The following NPM1 variants were observed in gnomAD, a reference collection of about 807,000 sequenced individuals.
The protein encoded by NPM1 is nucleophosmin.
NPM1 carries 1 observed loss-of-function variant against 44.1 expected under a neutral mutation model. That is an observed-to-expected ratio of 0.02 (90% CI 0.01 to 0.11). The LOEUF is 0.11. Ranked by LOEUF, NPM1 falls within the 10% of genes least tolerant of loss-of-function variation. The probability of loss-of-function intolerance (pLI) is 1.00; values close to 1 mark genes in which losing one functional copy is unlikely to be tolerated. For synonymous variants in NPM1, 126 were observed against 111.8 expected (o/e 1.13, Z -0.80); for missense variants, 197 against 347.8 (o/e 0.57, Z 3.45).
intron 8 of NPM1, among the ~76,000 whole-genome samples, chr5:171,402,672 G>C (rs896979677): frequency 2.8e-5 from 4 of 141,610 alleles, no homozygotes; most frequent in Non-Finnish European, 6.1e-5. Flanking sequence ...TGTTGGAAGA[G>C]GGGCCTGGTG....
chr5:171,400,372 T>A (rs1226397428), intron 7 of NPM1, among the ~76,000 whole-genome samples, 162 bp downstream of exon 7: 1 of 151,766 alleles, frequency 6.6e-6, no homozygotes, highest in Non-Finnish European at 1.5e-5. Context: ...GAGTGGGGAA[T>A]GGTCTGTTTT....
rs1251825672 is a variant in NPM1 at position 171,405,283 on chromosome 5, A to C, written c.670-19A>C. On this transcript the variant is annotated intron_variant, in intron 8 of 10. Coordinates refer to ENST00000296930, the MANE Select transcript of NPM1 (RefSeq NM_002520.7). ...TGTATTTATTCTTATGACCTTTTGGAAATTCATTTCTTTTTCAGGGACAAG... is the reference window on the plus strand; with the variant it reads ...TGTATTTATTCTTATGACCTTTTGGCAATTCATTTCTTTTTCAGGGACAAG... The C allele has an allele frequency of 2.4e-6, 3 of 1,255,120 alleles. No homozygotes were observed. The East Asian group carries it at 6.9e-5, about 29-fold the overall frequency. 77.7% of individuals were successfully genotyped at this position (1,255,120 alleles called of 1,614,324 possible). A position where few individuals can be genotyped will look rare whatever the true frequency, so the allele number is the denominator to read the frequency against.
intron 6 of NPM1, among the ~76,000 whole-genome samples, chr5:171,394,625 T>G (rs1770779709): frequency 1.3e-5 from 2 of 152,162 alleles, no homozygotes; most frequent in Non-Finnish European, 2.9e-5. Flanking sequence ...TTTAAGAATA[T>G]TTCTCGTTAG....
intron 8 of NPM1, 29 bp downstream of exon 8, chr5:171,400,954 C>T (rs1200841452): frequency 7.0e-6 from 10 of 1,432,790 alleles, no homozygotes; most frequent in Admixed American, 1.7e-5. Context: ...ACGTGGGTCT[C>T]ATTGATCTAG....
rs1168527571 is a variant in NPM1, at chr5:171,410,506, TTTC to T, written c.847-18_847-16del. On this transcript the variant is annotated intron_variant, in intron 10 of 10. Transcript: ENST00000296930. Reference sequence around the variant, plus strand: ...GAAGTGTTGTGGTTCCTTAACCACATTTCTTTTTTTTTTTTTCCAGGCTATTCA... The same window carrying T: ...GAAGTGTTGTGGTTCCTTAACCACATTTTTTTTTTTTTTCCAGGCTATTCA... 3 of 1,526,666 alleles carry T rather than the reference TTTC, an allele frequency of 2.0e-6. No individual in the cohort carries two copies. Among genetic ancestry groups the T allele is most frequent in the East Asian group, 4.5e-5 (2 of 43,994 alleles). 94.6% of individuals were successfully genotyped at this position (1,526,666 alleles called of 1,614,324 possible).
At chr5:171,392,664 C>CT in intron 4 of NPM1, 46 bp from the exon 5 acceptor site, 1 of 1,231,424 alleles carries the variant, frequency 8.1e-7, no homozygotes, top group Non-Finnish European at 1.1e-6. Context: ...TTTTTTCTGA[C>CT]TTCTTGCTGC....
intron 10 of NPM1, among the ~76,000 whole-genome samples, chr5:171,409,452 G>A (rs1378240002): frequency 1.3e-5 from 2 of 152,062 alleles, no homozygotes; most frequent in Admixed American, 1.3e-4. Flanking sequence ...CTCAAGAGGC[G>A]GAGGCAGGAG....
At chr5:171,401,095 G>A (rs1771173742) in intron 8 of NPM1, among the ~76,000 whole-genome samples, 170 bp downstream of exon 8, 2 of 151,996 alleles carry the variant, frequency 1.3e-5, no homozygotes, top group African/African-American at 2.4e-5. Flanking sequence ...GCTCACTCCT[G>A]TAATCCCAGC....
intron 10 of NPM1, 147 bp downstream of exon 10, chr5:171,407,921 A>T (rs1479823700): frequency 3.3e-6 from 2 of 604,646 alleles, no homozygotes; most frequent in East Asian, 2.8e-5. Flanking sequence ...CTGAAAACTC[A>T]TGTATTTAAT....
At chr5:171,407,871 A>C (rs1215385163) in intron 10 of NPM1, 97 bp downstream of exon 10, 2 of 729,236 alleles carry the variant, frequency 2.7e-6, no homozygotes, top group Non-Finnish European at 4.7e-6. Context: ...TCTTTTTAAA[A>C]AGTTCCTAAC....
intron 10 of NPM1, 27 bp downstream of exon 10, chr5:171,407,801 T>C (rs761871940): frequency 7.0e-7 from 1 of 1,421,496 alleles, no homozygotes; most frequent in East Asian, 2.3e-5. Context: ...GGGACATGAT[T>C]AAATCCAAGT....
At chr5:171,389,768 G>C (rs375126333) in intron 1 of NPM1, among the ~76,000 whole-genome samples, 77 of 152,300 alleles carry the variant, frequency 5.1e-4, no homozygotes, top group African/African-American at 1.8e-3. Flanking sequence ...TTCAGGTTGA[G>C]ATTTACTAAA....
At chr5:171,392,119 T>C (rs934644222) in intron 4 of NPM1, among the ~76,000 whole-genome samples, 6 of 152,060 alleles carry the variant, frequency 3.9e-5, no homozygotes, top group South Asian at 2.1e-4. Context: ...TTCATAGTTA[T>C]AGTAGAGAAG....
intron 6 of NPM1, among the ~76,000 whole-genome samples, chr5:171,397,802 C>CTTTTTT (rs575241008): frequency 7.6e-6 from 1 of 132,356 alleles, no homozygotes. Context: ...GGCAAGAATT[C>CTTTTTT]TTTTTTTTTT....
intron 9 of NPM1, chr5:171,405,666 C>T (rs1052612629): frequency 9.7e-6 from 4 of 411,102 alleles, no homozygotes; most frequent in African/African-American, 6.3e-5. Flanking sequence ...ACATTCTGAC[C>T]TTCCATGTTA....
chr5:171,395,258 A>C (rs1269802870), intron 6 of NPM1, among the ~76,000 whole-genome samples: 2 of 152,220 alleles, frequency 1.3e-5, no homozygotes, highest in African/African-American at 4.8e-5. Flanking sequence ...ATAGGAATGA[A>C]AAGTGTAGAT....
chr5:171,403,729 CG>C (rs1319954262), intron 8 of NPM1, among the ~76,000 whole-genome samples: 2 of 139,306 alleles, frequency 1.4e-5, no homozygotes, highest in Non-Finnish European at 3.1e-5. Flanking sequence ...GCCGGCCGGG[CG>C]GGGGGCTGAC....
At chr5:171,410,073 G>A (rs1243600438) in intron 10 of NPM1, among the ~76,000 whole-genome samples, 1 of 152,218 alleles carries the variant, frequency 6.6e-6, no homozygotes, top group Non-Finnish European at 1.5e-5. Flanking sequence ...AGGGATTACA[G>A]GCGTGAGCCA....
At chr5:171,391,222 C>A (rs2113166206) in intron 2 of NPM1, 83 bp from the exon 3 acceptor site, 1 of 1,473,868 alleles carries the variant, frequency 6.8e-7, no homozygotes, top group Non-Finnish European at 9.2e-7. Flanking sequence ...TTAAGTGACG[C>A]ATGGCTGCAT....
Sources: allele counts gnomAD v4.1 joint callset (sites outside exome capture counted in the v4.1 genomes callset), GRCh38; gene constraint gnomAD v4.1.1; transcripts MANE v1.5; gene names NCBI Gene and HGNC (gene_info 2026-07-23, HGNC 2026-07-21).